GLIS3: variants seen among roughly 807,000 people sequenced by gnomAD.
GLIS3 encodes the protein GLIS family zinc finger 3.
In GLIS3, 53 loss-of-function variants were observed where a neutral mutation model predicts 78.6. The ratio of observed to expected loss-of-function variants is 0.67; its 90% CI spans 0.54 to 0.85. The LOEUF is 0.85. Among genes scored for constraint, GLIS3 ranks in the 40% least tolerant of loss-of-function variants. The pLI is 0.00. For missense variants in GLIS3, 1,703 were observed against 1,231.1 expected, an observed-to-expected ratio of 1.38 and a Z score of -5.74; for synonymous variants, 684 against 509.9, an observed-to-expected ratio of 1.34 and a Z score of -4.60.
intron 1 of GLIS3, among the ~76,000 whole-genome samples, chr9:4,347,713 T>C (rs1817913601): frequency 6.6e-6 from 1 of 152,172 alleles, no homozygotes; most frequent in African/African-American, 2.4e-5. Flanking sequence ...TGTTTGTTTG[T>C]TTTTGGTTTG....
intron 2 of GLIS3, among the ~76,000 whole-genome samples, chr9:4,137,587 G>C (rs1833492318): frequency 1.6e-5 from 1 of 63,274 alleles, no homozygotes; most frequent in Non-Finnish European, 3.1e-5. Context: ...CTCCCAGTAA[G>C]ATGATATTAT....
At chr9:4,222,568 T>C (rs1386280986) in intron 2 of GLIS3, among the ~76,000 whole-genome samples, 2 of 152,214 alleles carry the variant, frequency 1.3e-5, no homozygotes, top group African/African-American at 4.8e-5. Flanking sequence ...TACTGGAGTT[T>C]GCCAAATGTT....
intron 2 of GLIS3, among the ~76,000 whole-genome samples, chr9:4,195,761 G>A (rs1047973436): frequency 6.6e-6 from 1 of 152,280 alleles, no homozygotes; most frequent in Non-Finnish European, 1.5e-5. Flanking sequence ...GGGTCTTGGA[G>A]AACTTTTATG....
the GLIS3 span, among the ~76,000 whole-genome samples, chr9:4,468,509 C>T: frequency 6.6e-5 from 10 of 152,140 alleles, no homozygotes; most frequent in Non-Finnish European, 1.5e-4. Flanking sequence ...GAATTTTCAA[C>T]CCAGAATTTC....
intron 2 of GLIS3, among the ~76,000 whole-genome samples, chr9:4,225,346 C>G (rs970285480): frequency 6.6e-6 from 1 of 152,138 alleles, no homozygotes; most frequent in African/African-American, 2.4e-5. Context: ...TATACAATTA[C>G]TCTTTGGTAA....
chr9:4,187,714 C>G (rs1231658312), intron 2 of GLIS3, among the ~76,000 whole-genome samples: 1 of 152,156 alleles, frequency 6.6e-6, no homozygotes, highest in Non-Finnish European at 1.5e-5. Context: ...TCTTTCACAT[C>G]CCTTGTAAGT....
intron 4 of GLIS3, among the ~76,000 whole-genome samples, chr9:3,995,592 G>T (rs962230451): frequency 1.3e-5 from 2 of 151,860 alleles, no homozygotes; most frequent in African/African-American, 4.8e-5. Context: ...GAAACAAGAG[G>T]CTGTGAAAAT....
chr9:4,319,199 G>C (rs1007132101), intron 2 of GLIS3, among the ~76,000 whole-genome samples: 1 of 152,176 alleles, frequency 6.6e-6, no homozygotes, highest in East Asian at 1.9e-4. Context: ...TTGTATATTA[G>C]GTAATGGTAT....
At chr9:4,052,736 G>C (rs1045747036) in intron 4 of GLIS3, among the ~76,000 whole-genome samples, 8 of 152,114 alleles carry the variant, frequency 5.3e-5, no homozygotes, top group African/African-American at 1.9e-4. Context: ...ATGGACATTT[G>C]AGTTGTTTCC....
At chr9:4,146,610 C>T (rs919438689) in intron 2 of GLIS3, among the ~76,000 whole-genome samples, 1 of 152,174 alleles carries the variant, frequency 6.6e-6, no homozygotes, top group South Asian at 2.1e-4. Context: ...ATCAAAGTCA[C>T]TGGAATCTGG....
chr9:3,883,026 G>C (rs540241443), intron 7 of GLIS3, among the ~76,000 whole-genome samples: 65 of 152,270 alleles, frequency 4.3e-4, no homozygotes, highest in Middle Eastern at 3.4e-3. Context: ...GAAATTTGGA[G>C]GAAGTAACAA....
At chr9:4,237,706 G>A (rs1355098672) in intron 2 of GLIS3, among the ~76,000 whole-genome samples, 1 of 152,104 alleles carries the variant, frequency 6.6e-6, no homozygotes, top group Non-Finnish European at 1.5e-5. Flanking sequence ...TCATTAATCA[G>A]GCATGCCTTT....
chr9:4,334,910 T>TTC (rs1817736089), intron 2 of GLIS3, among the ~76,000 whole-genome samples: 2 of 146,020 alleles, frequency 1.4e-5, no homozygotes, highest in Non-Finnish European at 3.0e-5. Flanking sequence ...CCACCTTTTT[T>TTC]TTTTTTTTTT....
chr9:4,313,711 C>A (rs866569968), intron 2 of GLIS3, among the ~76,000 whole-genome samples: 10 of 152,318 alleles, frequency 6.6e-5, no homozygotes, highest in Middle Eastern at 3.4e-3. Context: ...AGATGCCCTT[C>A]CTGGACCAGT....
intron 2 of GLIS3, among the ~76,000 whole-genome samples, chr9:4,142,096 C>T (rs1833858426): frequency 6.6e-6 from 1 of 152,188 alleles, no homozygotes; most frequent in South Asian, 2.1e-4. Context: ...AGAGTAGGTG[C>T]TCACTTACAA....
At chr9:4,203,380 G>C (rs1028942412) in intron 2 of GLIS3, among the ~76,000 whole-genome samples, 2 of 152,180 alleles carry the variant, frequency 1.3e-5, no homozygotes, top group Non-Finnish European at 2.9e-5. Context: ...CTGTCAGTGG[G>C]AATGCAATTT....
At chr9:4,439,774 A>C in the GLIS3 span, among the ~76,000 whole-genome samples, 1 of 151,848 alleles carries the variant, frequency 6.6e-6, no homozygotes, top group Non-Finnish European at 1.5e-5. Flanking sequence ...AACCTTCCCA[A>C]CTCAGGTGAT....
At position 3,828,042 on chromosome 9, in the gene GLIS3, T is replaced by C. The variant is rs370368026; in HGVS notation, c.*230A>G. 23 of 569,044 alleles carry C rather than the reference T, an allele frequency of 4.0e-5. 1 individual carries two copies. In the African/African-American group the frequency reaches 4.3e-4, roughly 11 times the overall value. 35.2% of individuals were successfully genotyped at this position (569,044 alleles called of 1,614,324 possible). A position where few individuals can be genotyped will look rare whatever the true frequency, so the allele number is the denominator to read the frequency against. On this transcript the variant is annotated 3_prime_UTR_variant, in exon 11 of 11. Coordinates refer to ENST00000381971, the MANE Select transcript of GLIS3 (RefSeq NM_001042413.2). ...CTCTAAATTCCCTTTGAAAAGACAG[T>C]CCTCCTGGTCACATAGTCCAGGAAA...
chr9:4,227,728 G>A (rs1440916464), intron 2 of GLIS3, among the ~76,000 whole-genome samples: 1 of 152,220 alleles, frequency 6.6e-6, no homozygotes, highest in Non-Finnish European at 1.5e-5. Context: ...ATCATGGGAT[G>A]AAACCACTGC....
Sources: allele counts gnomAD v4.1 joint callset (sites outside exome capture counted in the v4.1 genomes callset), GRCh38; gene constraint gnomAD v4.1.1; transcripts MANE v1.5; gene names NCBI Gene and HGNC (gene_info 2026-07-23, HGNC 2026-07-21).